Variants in ZNF507 observed in about 807,000 individuals in gnomAD.
ZNF507 encodes zinc finger protein 507.
A neutral mutation model predicts 80.0 loss-of-function variants in ZNF507; 29 were observed. The ratio of observed to expected loss-of-function variants is 0.36; its 90% CI spans 0.27 to 0.49. The LOEUF is 0.49. Among genes scored for constraint, ZNF507 ranks in the 20% least tolerant of loss-of-function variants. ZNF507 has a pLI of 0.98. For synonymous variants in ZNF507, 462 were observed against 422.5 expected (o/e 1.09, Z -1.15); for missense variants, 1,081 against 1,152.2 (o/e 0.94, Z 0.90).
At chr19:32,381,363 TG>T (rs1406135100) in intron 5 of ZNF507, among the ~76,000 whole-genome samples, 2 of 152,078 alleles carry the variant, frequency 1.3e-5, no homozygotes, top group African/African-American at 4.8e-5. Flanking sequence ...CTCAGCACTT[TG>T]GGAGGCAGGT....
At chr19:32,371,272 C>T (rs982831255) in intron 5 of ZNF507, among the ~76,000 whole-genome samples, 2 of 151,968 alleles carry the variant, frequency 1.3e-5, no homozygotes, top group African/African-American at 2.4e-5. Flanking sequence ...GCCGATAGTT[C>T]GAGACCAGGC....
chr19:32,367,400 G>A (rs377015248), intron 5 of ZNF507, among the ~76,000 whole-genome samples: 4 of 152,308 alleles, frequency 2.6e-5, no homozygotes, highest in African/African-American at 7.2e-5. Context: ...TTACTGATTT[G>A]CAGGAGCTCT....
At chr19:32,371,645 T>A (rs1967474507) in intron 5 of ZNF507, among the ~76,000 whole-genome samples, 1 of 141,630 alleles carries the variant, frequency 7.1e-6, no homozygotes. Flanking sequence ...TTATTATTAT[T>A]TTTTTTTTTT....
chr19:32,362,701 G>A (rs1324687020), intron 5 of ZNF507, among the ~76,000 whole-genome samples: 2 of 152,182 alleles, frequency 1.3e-5, no homozygotes, highest in African/African-American at 4.8e-5. Context: ...CAGATTCATA[G>A]GATTCATTGC....
chr19:32,373,856 C>T (rs1322682814), intron 5 of ZNF507, among the ~76,000 whole-genome samples: 1 of 152,168 alleles, frequency 6.6e-6, no homozygotes, highest in African/African-American at 2.4e-5. Flanking sequence ...TTTCGTAACA[C>T]GTCCTGCAGG....
At chr19:32,372,275 T>G (rs1967484429) in intron 5 of ZNF507, among the ~76,000 whole-genome samples, 1 of 152,216 alleles carries the variant, frequency 6.6e-6, no homozygotes, top group Admixed American at 6.5e-5. Context: ...AAGTAATTTT[T>G]TAGAATTTGT....
rs761248218 is a variant in ZNF507, at chr19:32,353,520, T to C, written c.690T>C (p.Ser230=). 6.2e-7 allele frequency: 1 copy of C among 1,614,200 alleles called. No homozygotes were observed. Among genetic ancestry groups the C allele is most frequent in the Non-Finnish European group, 8.5e-7 (1 of 1,180,024 alleles). ...NLQTHTVQTA[S]VAEMGRRKWY... is the part of the protein sequence containing the mutation. ...AGACTCATACTGTCCAAACTGCATCTGTGGCAGAAATGGGTAGGAGGAAAT... is the reference window on the plus strand; with the variant it reads ...AGACTCATACTGTCCAAACTGCATCCGTGGCAGAAATGGGTAGGAGGAAAT... The change falls in exon 3 of 7, where the codon TCT becomes TCC. Residue 230 remains serine (S), a synonymous_variant. Transcript: ENST00000355898.
At chr19:32,349,216 C>G (rs1334688868) in intron 2 of ZNF507, among the ~76,000 whole-genome samples, 2 of 152,206 alleles carry the variant, frequency 1.3e-5, no homozygotes, top group East Asian at 3.9e-4. Context: ...TGCTACCTCC[C>G]TCTGATCTGT....
At chr19:32,367,338 C>T (rs1490344429) in intron 5 of ZNF507, among the ~76,000 whole-genome samples, 5 of 152,280 alleles carry the variant, frequency 3.3e-5, no homozygotes, top group Middle Eastern at 3.4e-3. Context: ...GATCAAATTT[C>T]GACATGAGAT....
chr19:32,353,380 A>G lies in ZNF507; in HGVS notation c.550A>G (p.Ile184Val). The G allele has an allele frequency of 6.2e-7, 1 of 1,614,234 alleles. No individual in the cohort carries two copies. Among genetic ancestry groups the G allele is most frequent in the Non-Finnish European group, 8.5e-7 (1 of 1,180,040 alleles). The change falls in exon 3 of 7, where the codon ATC becomes GTC. Residue 184 changes from isoleucine to valine, a missense_variant. Coordinates refer to ENST00000355898, the MANE Select transcript of ZNF507 (RefSeq NM_001136156.2). ...VVNDHDNDAN[I>V]HTQSKAQQCV... ...GAATGACCATGACAATGATGCCAAT[A>G]TCCACACCCAATCCAAAGCCCAACA...
At chr19:32,349,673 G>A (rs1288827964) in intron 2 of ZNF507, among the ~76,000 whole-genome samples, 1 of 152,162 alleles carries the variant, frequency 6.6e-6, no homozygotes, top group African/African-American at 2.4e-5. Context: ...TTCTGCATTA[G>A]TGGTCTAAAT....
At chr19:32,362,711 C>T (rs979175559) in intron 5 of ZNF507, among the ~76,000 whole-genome samples, 1 of 152,218 alleles carries the variant, frequency 6.6e-6, no homozygotes, top group African/African-American at 2.4e-5. Flanking sequence ...GGATTCATTG[C>T]AGTTGTCCTA....
Position 32,387,326 on chromosome 19 carries a change from C to G in ZNF507, c.*4243C>G, listed in dbSNP as rs118045755. The G allele has an allele frequency of 6.6e-6, 1 of 152,160 alleles. No homozygotes were observed. Among genetic ancestry groups the G allele is most frequent in the South Asian group, 2.1e-4 (1 of 4,824 alleles). The allele number at this position is 152,160 out of a possible 1,614,324, so 9.4% of individuals were successfully genotyped here. ...CGAAGCTAACATCATCTGACTGTAT[C>G]GTGGGTCTGGTTATCCATTTGTGCC... On this transcript the variant is annotated 3_prime_UTR_variant, in exon 7 of 7. Transcript: ENST00000355898.
At chr19:32,358,415 G>T (rs1351931776) in intron 4 of ZNF507, 2 of 152,194 alleles carry the variant, frequency 1.3e-5, no homozygotes, top group African/African-American at 4.8e-5. Context: ...ATACCTTAGG[G>T]CATGTTTCAG....
At chr19:32,349,298 CAGAG>C (rs769133295) in intron 2 of ZNF507, among the ~76,000 whole-genome samples, 6 of 152,166 alleles carry the variant, frequency 3.9e-5, no homozygotes, top group Middle Eastern at 3.2e-3. Context: ...ATCCCTCTGA[CAGAG>C]AGCAGAATGG....
intron 4 of ZNF507, among the ~76,000 whole-genome samples, chr19:32,360,222 G>T (rs1365336980): frequency 6.6e-6 from 1 of 152,210 alleles, no homozygotes; most frequent in African/African-American, 2.4e-5. Flanking sequence ...TACATAGCCA[G>T]AAGCAAGTTC....
intron 5 of ZNF507, among the ~76,000 whole-genome samples, chr19:32,370,727 T>C (rs947721864): frequency 3.9e-5 from 6 of 152,222 alleles, no homozygotes; most frequent in Admixed American, 2.0e-4. Context: ...TGCAGAAGTT[T>C]TTTGGTTTGA....
Position 32,378,074 on chromosome 19 carries a change from C to T in ZNF507, c.2361-4393C>T, listed in dbSNP as rs530199233. 1.1e-4 allele frequency among the ~76,000 whole-genome samples: 16 copies of T among 152,234 alleles called. No homozygotes were observed. The South Asian group carries it at 1.5e-3, about 14-fold the overall frequency. On this transcript the variant is annotated intron_variant, in intron 5 of 6. Coordinates refer to ENST00000355898, the MANE Select transcript of ZNF507 (RefSeq NM_001136156.2). ...GGCATTAAAAACAAGGCAAGTTGGC[C>T]GGGCTTGGTGGCTCAGTGCGTGTAA...
At position 32,377,520 on chromosome 19, in the gene ZNF507, C is replaced by T. The variant is rs572975093; in HGVS notation, c.2361-4947C>T. On this transcript the variant is annotated intron_variant, in intron 5 of 6. Transcript: ENST00000355898. ...ATATAATCATATCTATGATCTATAT[C>T]TAGCATTAACTCTTGTTGTTTTATA... 1.8e-4 allele frequency among the ~76,000 whole-genome samples: 28 copies of T among 152,310 alleles called. No individual in the cohort carries two copies. The South Asian group carries it at 4.8e-3, about 26-fold the overall frequency.
Sources: gnomAD v4.1 joint callset for allele counts (sites outside exome capture counted in the v4.1 genomes callset) on GRCh38, gnomAD v4.1.1 for gene constraint, MANE v1.5 for transcripts, NCBI Gene and HGNC (gene_info 2026-07-23, HGNC 2026-07-21) for gene names.